Variants in PCSK5 observed in about 807,000 individuals in gnomAD.
PCSK5 encodes proprotein convertase subtilisin/kexin type 5, also known as prohormone convertase 5.
Under a neutral mutation model 233.2 loss-of-function variants are expected in PCSK5, and 129 were observed. The observed-to-expected ratio is 0.55, with a 90% CI of 0.48 to 0.64. The LOEUF is 0.64. PCSK5 is among the 30% of genes least tolerant of loss of function. PCSK5 has a pLI of 0.00. For synonymous variants in PCSK5, 825 were observed against 879.2 expected (o/e 0.94, Z 1.09); for missense variants, 2,076 against 2,430.1 (o/e 0.85, Z 3.06).
chr9:76,134,136 G>A lies in PCSK5; in HGVS notation c.1236G>A (p.Gln412=). 1 of 1,607,282 alleles carries A rather than the reference G, an allele frequency of 6.2e-7. No homozygotes were observed. The highest frequency in any genetic ancestry group is 8.5e-7 in the Non-Finnish European group (1 of 1,176,444). The change falls in exon 10 of 38, where the codon CAG becomes CAA. Residue 412 remains glutamine (Q), a synonymous_variant. Coordinates refer to ENST00000674117, the MANE Select transcript of PCSK5 (RefSeq NM_001372043.1). ...ANPFLTWRDV[Q]HVIVRTSRAG... ...CGTTTCTGACCTGGAGAGACGTACAGCATGTTATTGTCAGGACTTCCCGTG... is the reference window on the plus strand; with the variant it reads ...CGTTTCTGACCTGGAGAGACGTACAACATGTTATTGTCAGGACTTCCCGTG...
intron 1 of PCSK5, among the ~76,000 whole-genome samples, chr9:75,903,888 C>G (rs1383987473): frequency 6.6e-6 from 1 of 151,828 alleles, no homozygotes; most frequent in Admixed American, 6.6e-5. Flanking sequence ...AAAGATACTG[C>G]CTACTCATCC....
intron 24 of PCSK5, among the ~76,000 whole-genome samples, chr9:76,275,853 A>T (rs1429468605): frequency 1.3e-5 from 2 of 152,128 alleles, no homozygotes; most frequent in African/African-American, 4.8e-5. Flanking sequence ...CCACACTGTG[A>T]TTTCTCTCTA....
intron 7 of PCSK5, among the ~76,000 whole-genome samples, chr9:76,091,876 A>T (rs7038548): frequency 0.017 from 2,528 of 152,210 alleles, 71 homozygotes; most frequent in African/African-American, 0.056. Context: ...GCTCGGTTAT[A>T]AAATAATTCC....
intron 7 of PCSK5, among the ~76,000 whole-genome samples, chr9:76,075,377 G>A (rs1294932489): frequency 6.6e-6 from 1 of 151,978 alleles, no homozygotes; most frequent in Non-Finnish European, 1.5e-5. Context: ...GATAGCCTCT[G>A]GATATGTAAA....
At chr9:76,100,993 G>C (rs1831731944) in intron 8 of PCSK5, among the ~76,000 whole-genome samples, 1 of 152,054 alleles carries the variant, frequency 6.6e-6, no homozygotes, top group Non-Finnish European at 1.5e-5. Flanking sequence ...TCACCTCAAA[G>C]AGGATTTTCT....
intron 7 of PCSK5, among the ~76,000 whole-genome samples, chr9:76,091,945 G>T (rs777840963): frequency 1.3e-5 from 2 of 152,122 alleles, no homozygotes; most frequent in Non-Finnish European, 2.9e-5. Flanking sequence ...CATTTTCAGG[G>T]CAGCAGCAAC....
At chr9:75,903,575 T>TGTGTGTGC (rs58160663) in intron 1 of PCSK5, among the ~76,000 whole-genome samples, 1 of 96,010 alleles carries the variant, frequency 1.0e-5, no homozygotes, top group African/African-American at 3.3e-5. Context: ...TGTGTGTGTG[T>TGTGTGTGC]ATATATATAT....
In PCSK5 at chr9:76,190,632, T is replaced by G. The variant is rs142372876; in HGVS notation, c.2626+886T>G. Among the ~76,000 whole-genome samples the G allele has an allele frequency of 6.0e-3, 914 of 152,326 alleles. 8 individuals carry two copies. Among genetic ancestry groups the G allele is most frequent in the African/African-American group, 0.02 (819 of 41,580 alleles). On this transcript the variant is annotated intron_variant, in intron 20 of 37. Transcript: ENST00000674117. The stretch of plus-strand genomic sequence containing the variant: ...CCAATCTCCTATTATTTGGATTGTT[T>G]ATAATTTTGATGTATAAACAGTAAT...
intron 27 of PCSK5, among the ~76,000 whole-genome samples, chr9:76,301,923 T>C (rs1828620092): frequency 6.6e-6 from 1 of 152,116 alleles, no homozygotes; most frequent in Admixed American, 6.6e-5. Context: ...AATGCAGTGT[T>C]CAGGGTCAGT....
chr9:76,038,105 T>TG (rs1338336052), intron 5 of PCSK5, among the ~76,000 whole-genome samples: 1 of 152,344 alleles, frequency 6.6e-6, no homozygotes, highest in East Asian at 1.9e-4. Context: ...ATGACCTTTT[T>TG]GCTCTTGGTT....
In PCSK5 at chr9:75,905,687, C is replaced by T. The variant is rs185753650; in HGVS notation, c.192+14314C>T. 4.9e-4 allele frequency among the ~76,000 whole-genome samples: 75 copies of T among 152,272 alleles called. 1 individual carries two copies. The highest frequency in any genetic ancestry group is 4.1e-4 in the Non-Finnish European group (28 of 68,026). ...AGCAGGAAGTAAGGGGCAGGTGAGC[C>T]GCTCCACTTCCTGTCAGATCAGTGG... is the stretch of plus-strand genomic sequence containing the variant. On this transcript the variant is annotated intron_variant, in intron 1 of 37. Transcript: ENST00000674117.
chr9:75,973,611 T>C (rs1348347754), intron 2 of PCSK5, among the ~76,000 whole-genome samples: 1 of 152,224 alleles, frequency 6.6e-6, no homozygotes, highest in South Asian at 2.1e-4. Context: ...AATTAGATCC[T>C]CAGCCTCCCT....
At chr9:76,160,171 C>T (rs531849581) in intron 12 of PCSK5, among the ~76,000 whole-genome samples, 17 of 152,234 alleles carry the variant, frequency 1.1e-4, no homozygotes, top group Admixed American at 6.5e-4. Context: ...GCTTGTTAGC[C>T]TCTCCTCCCT....
chr9:76,310,460 CA>C (rs1200347682), intron 29 of PCSK5, among the ~76,000 whole-genome samples, 195 bp from the exon 30 acceptor site: 11 of 152,248 alleles, frequency 7.2e-5, no homozygotes, highest in African/African-American at 2.4e-4. Flanking sequence ...AAGAAACAGG[CA>C]AAAGTCTCTT....
chr9:76,240,512 T>C (rs1397865685), intron 23 of PCSK5, 104 bp from the exon 24 acceptor site: 5 of 815,658 alleles, frequency 6.1e-6, no homozygotes, highest in African/African-American at 3.4e-5. Context: ...AATTGCTCTA[T>C]GATTTACTTT....
chr9:75,923,128 A>G (rs1182727714), intron 1 of PCSK5, among the ~76,000 whole-genome samples: 1 of 152,186 alleles, frequency 6.6e-6, no homozygotes, highest in Admixed American at 6.5e-5. Context: ...TGTGCCTGGA[A>G]AAAGCATAGA....
chr9:76,247,750 A>C (rs1037789734), intron 24 of PCSK5, among the ~76,000 whole-genome samples: 1 of 152,104 alleles, frequency 6.6e-6, no homozygotes, highest in Non-Finnish European at 1.5e-5. Flanking sequence ...GGTAAAGGAG[A>C]TGGGCAGGAC....
chr9:76,091,341 G>A (rs75358316), intron 7 of PCSK5, among the ~76,000 whole-genome samples: 13,041 of 151,964 alleles, frequency 0.086, 675 homozygotes, highest in African/African-American at 0.14. Context: ...GAAAGCGAGC[G>A]AGCTAGAGAG....
At chr9:76,212,117 A>G (rs755942619) in intron 20 of PCSK5, among the ~76,000 whole-genome samples, 18 of 152,168 alleles carry the variant, frequency 1.2e-4, no homozygotes, top group African/African-American at 2.4e-4. Context: ...GTTTTATGCC[A>G]AGTATCTACG....
Sources: gnomAD v4.1 joint callset for allele counts (sites outside exome capture counted in the v4.1 genomes callset) on GRCh38, gnomAD v4.1.1 for gene constraint, MANE v1.5 for transcripts, NCBI Gene and HGNC (gene_info 2026-07-23, HGNC 2026-07-21) for gene names.